Variants in PCDH15 observed in about 807,000 individuals in gnomAD.
PCDH15 encodes protocadherin related 15.
In PCDH15, 129 loss-of-function variants were observed where a neutral mutation model predicts 178.5. The observed-to-expected ratio is 0.72, with a 90% CI of 0.63 to 0.84. The LOEUF (loss-of-function observed/expected upper bound fraction) is 0.84. PCDH15 is among the 40% of genes least tolerant of loss of function. The pLI is 0.00. For missense variants in PCDH15, 2,230 were observed against 2,099.9 expected (o/e 1.06, Z -1.21); for synonymous variants, 800 against 732.0 (o/e 1.09, Z -1.50).
intron 2 of PCDH15, among the ~76,000 whole-genome samples, chr10:55,445,531 A>G (rs190458610): frequency 1.3e-4 from 20 of 152,262 alleles, no homozygotes; most frequent in African/African-American, 4.8e-4. Flanking sequence ...ACATAAAACA[A>G]TGAGACACTG....
chr10:55,328,045 T>C (rs1295564116), intron 2 of PCDH15, among the ~76,000 whole-genome samples: 1 of 151,982 alleles, frequency 6.6e-6, no homozygotes, highest in African/African-American at 2.4e-5. Context: ...ATGAAATACA[T>C]TGCTTGGGGA....
At chr10:55,491,274 A>T (rs1368326604) in intron 2 of PCDH15, among the ~76,000 whole-genome samples, 5 of 151,732 alleles carry the variant, frequency 3.3e-5, no homozygotes, top group Non-Finnish European at 7.4e-5. Context: ...AGTATTTTTC[A>T]TTCCACCTCT....
In PCDH15 at chr10:54,567,631, G is replaced by C. The variant is rs139622830; in HGVS notation, c.92-39754C>G. Among the ~76,000 whole-genome samples, 427 of 152,186 alleles carry C rather than the reference G, an allele frequency of 2.8e-3. 4 individuals carry two copies. Among genetic ancestry groups the C allele is most frequent in the African/African-American group, 9.7e-3 (401 of 41,544 alleles). ...ATAACCTTTTGAATCGAATTGAATA[G>C]TTCAAGATCTCTATGCTCTATGTTC... On this transcript the variant is annotated intron_variant, in intron 2 of 37. Coordinates refer to ENST00000644397, the MANE Select transcript of PCDH15 (RefSeq NM_001384140.1).
intron 8 of PCDH15, among the ~76,000 whole-genome samples, chr10:54,286,857 A>C (rs1209862206): frequency 6.6e-6 from 1 of 152,084 alleles, no homozygotes; most frequent in Non-Finnish European, 1.5e-5. Flanking sequence ...TGAACTCCTG[A>C]CCTCTGGTGA....
chr10:53,995,472 G>A (rs2091785277), intron 21 of PCDH15, 177 bp downstream of exon 21: 1 of 1,124,098 alleles, frequency 8.9e-7, no homozygotes, highest in Non-Finnish European at 1.3e-6. Context: ...TTCAATAATA[G>A]TCATCTGAAA....
At chr10:55,627,529 G>A (rs1837557356) in intron 2 of PCDH15, 1 of 152,180 alleles carries the variant, frequency 6.6e-6, no homozygotes, top group Non-Finnish European at 1.5e-5. Context: ...GGGGTGGGGT[G>A]TGCGATGACA....
chr10:54,997,025 C>G (rs1839664455), intron 2 of PCDH15, among the ~76,000 whole-genome samples: 1 of 151,212 alleles, frequency 6.6e-6, no homozygotes, highest in Non-Finnish European at 1.5e-5. Flanking sequence ...AGAAGAATTG[C>G]TTGAAGCCTG....
intron 1 of PCDH15, among the ~76,000 whole-genome samples, chr10:55,238,480 A>G (rs1223981298): frequency 6.6e-6 from 1 of 152,124 alleles, no homozygotes; most frequent in African/African-American, 2.4e-5. Flanking sequence ...ACCATATCCA[A>G]TACTGAGAAA....
At chr10:53,995,372 A>G (rs931980191) in intron 21 of PCDH15, 2 of 476,820 alleles carry the variant, frequency 4.2e-6, no homozygotes, top group Middle Eastern at 6.1e-4. Context: ...ACAAATGGAG[A>G]CAATTCATAT....
intron 1 of PCDH15, among the ~76,000 whole-genome samples, chr10:54,731,320 G>A (rs996808425): frequency 6.6e-6 from 1 of 150,562 alleles, no homozygotes; most frequent in Admixed American, 6.7e-5. Context: ...TGGTAGGAAT[G>A]CAAATTAGTG....
At chr10:54,350,713 T>C (rs1944038319) in intron 5 of PCDH15, among the ~76,000 whole-genome samples, 1 of 152,228 alleles carries the variant, frequency 6.6e-6, no homozygotes, top group African/African-American at 2.4e-5. Context: ...CCAGATGCCA[T>C]GGCTCACACC....
chr10:55,195,115 C>A (rs986132986), intron 1 of PCDH15, among the ~76,000 whole-genome samples: 1 of 151,176 alleles, frequency 6.6e-6, no homozygotes, highest in African/African-American at 2.4e-5. Context: ...CCTCTGCCTC[C>A]CGAGTTCGAG....
chr10:55,210,906 G>A (rs767989763), intron 1 of PCDH15, among the ~76,000 whole-genome samples: 8 of 151,910 alleles, frequency 5.3e-5, no homozygotes, highest in Non-Finnish European at 8.8e-5. Context: ...GATTACAGGC[G>A]TGAACCACCG....
In PCDH15 at chr10:55,059,783, TGATA is replaced by T. The variant is rs1317563366; in HGVS notation, c.-80+106789_-80+106792del. Among the ~76,000 whole-genome samples, 12 of 152,264 alleles carry T rather than the reference TGATA, an allele frequency of 7.9e-5. No homozygotes were observed. The Middle Eastern group carries it at 0.01, about 129-fold the overall frequency. The stretch of plus-strand genomic sequence containing the variant: ...TACTTAGCAATTGAAACACAGGCAC[TGATA>T]AATATTGCTGGACATACAATAAGCA... On this transcript the variant is annotated intron_variant, in intron 2 of 5. Coordinates refer to the PCDH15 transcript ENST00000458638.
chr10:54,001,489 GTGT>G (rs923159478), intron 20 of PCDH15, among the ~76,000 whole-genome samples: 7 of 152,066 alleles, frequency 4.6e-5, no homozygotes, highest in African/African-American at 1.7e-4. Context: ...TATGCAAACA[GTGT>G]TGTTATCAGC....
rs1943164774 is a variant in PCDH15 at position 54,730,346 on chromosome 10, A to T, written c.-28-66056T>A. 4.6e-5 allele frequency among the ~76,000 whole-genome samples: 7 copies of T among 151,748 alleles called. No homozygotes were observed. The South Asian group carries it at 1.5e-3, about 31-fold the overall frequency. On this transcript the variant is annotated intron_variant, in intron 1 of 37. Coordinates refer to ENST00000644397, the MANE Select transcript of PCDH15 (RefSeq NM_001384140.1). Reference sequence around the variant, plus strand: ...TCTCACCTATACATGGGAGCTAAACATTGAGTACACATGGATACAGACAAA... The same window carrying T: ...TCTCACCTATACATGGGAGCTAAACTTTGAGTACACATGGATACAGACAAA...
chr10:55,103,115 T>C (rs1474065377), intron 2 of PCDH15, among the ~76,000 whole-genome samples: 1 of 150,038 alleles, frequency 6.7e-6, no homozygotes, highest in Non-Finnish European at 1.5e-5. Flanking sequence ...ATTTTTCTTT[T>C]TTTTTTTTTT....
At chr10:55,402,782 A>G (rs1838102776) in intron 2 of PCDH15, among the ~76,000 whole-genome samples, 2 of 151,952 alleles carry the variant, frequency 1.3e-5, no homozygotes, top group African/African-American at 4.8e-5. Flanking sequence ...TGTAAAAAAT[A>G]TGGGGGTGCA....
intron 2 of PCDH15, among the ~76,000 whole-genome samples, chr10:55,117,833 ATT>A (rs1837665091): frequency 6.6e-6 from 1 of 152,116 alleles, no homozygotes; most frequent in South Asian, 2.1e-4. Context: ...TTTGGTTTTT[ATT>A]TTTTCTCTCA....
Sources: allele counts gnomAD v4.1 joint callset (sites outside exome capture counted in the v4.1 genomes callset), GRCh38; gene constraint gnomAD v4.1.1; transcripts MANE v1.5; gene names NCBI Gene and HGNC (gene_info 2026-07-23, HGNC 2026-07-21).